CEP112: variants seen among roughly 807,000 people sequenced by gnomAD.
CEP112 encodes centrosomal protein of 112 kDa.
Under a neutral mutation model 153.0 loss-of-function variants are expected in CEP112, and 127 were observed. The ratio of observed to expected loss-of-function variants is 0.83; its 90% CI spans 0.72 to 0.96. The LOEUF (loss-of-function observed/expected upper bound fraction) is 0.96. Among genes scored for constraint, CEP112 ranks in the 40% least tolerant of loss-of-function variants. The probability of loss-of-function intolerance (pLI) is 0.00; values close to 1 mark genes in which losing one functional copy is unlikely to be tolerated. For missense variants in CEP112, 1,089 were observed against 1,101.2 expected (o/e 0.99, Z 0.16); for synonymous variants, 358 against 374.4 (o/e 0.96, Z 0.51).
chr17:65,675,204 T>G (rs2047166089), intron 24 of CEP112, among the ~76,000 whole-genome samples: 1 of 152,138 alleles, frequency 6.6e-6, no homozygotes, highest in Non-Finnish European at 1.5e-5. Context: ...GACAGAGAGA[T>G]AGAGTTAGAC....
At chr17:65,715,146 C>T (rs1567905041) in intron 23 of CEP112, among the ~76,000 whole-genome samples, 1 of 152,122 alleles carries the variant, frequency 6.6e-6, no homozygotes, top group Non-Finnish European at 1.5e-5. Flanking sequence ...AAAAAGTCAG[C>T]TGACACTCTC....
intron 17 of CEP112, among the ~76,000 whole-genome samples, chr17:65,993,734 G>C (rs1317626137): frequency 6.6e-6 from 1 of 152,060 alleles, no homozygotes; most frequent in African/African-American, 2.4e-5. Context: ...AGCAAAAGAG[G>C]CCAGGCACAA....
intron 19 of CEP112, among the ~76,000 whole-genome samples, chr17:65,919,347 G>A (rs932725975): frequency 2.6e-5 from 4 of 152,124 alleles, no homozygotes; most frequent in South Asian, 2.1e-4. Context: ...ACACTCCCCC[G>A]GGGATCACCT....
chr17:66,061,933 A>T (rs2066936314), intron 11 of CEP112, among the ~76,000 whole-genome samples: 1 of 152,170 alleles, frequency 6.6e-6, no homozygotes, highest in Non-Finnish European at 1.5e-5. Context: ...ACCAGGTGGA[A>T]GTAACTGCAT....
chr17:65,859,175 G>A (rs868699214), intron 20 of CEP112, among the ~76,000 whole-genome samples: 2 of 152,096 alleles, frequency 1.3e-5, no homozygotes, highest in African/African-American at 2.4e-5. Flanking sequence ...CAGGTGCGGT[G>A]GCTTATGCCT....
chr17:66,045,104 T>A (rs188510108), intron 12 of CEP112, among the ~76,000 whole-genome samples: 2 of 151,928 alleles, frequency 1.3e-5, no homozygotes, highest in East Asian at 3.9e-4. Flanking sequence ...AGGGTCACAC[T>A]CTGTCACCCA....
chr17:66,139,704 C>T (rs2070602949), intron 4 of CEP112, among the ~76,000 whole-genome samples: 1 of 152,052 alleles, frequency 6.6e-6, no homozygotes, highest in South Asian at 2.1e-4. Flanking sequence ...GACCAAATTA[C>T]TCGAAATGCA....
intron 21 of CEP112, among the ~76,000 whole-genome samples, chr17:65,781,021 T>G (rs964724338): frequency 6.6e-6 from 1 of 152,116 alleles, no homozygotes; most frequent in African/African-American, 2.4e-5. Context: ...TATGTCAGAT[T>G]TGTAGACAGT....
chr17:65,883,444 T>G (rs2059159236), intron 20 of CEP112, among the ~76,000 whole-genome samples: 1 of 152,088 alleles, frequency 6.6e-6, no homozygotes, highest in South Asian at 2.1e-4. Context: ...CACTGTAACC[T>G]CCGCCTCCTG....
intron 24 of CEP112, among the ~76,000 whole-genome samples, chr17:65,687,799 T>C (rs1397962091): frequency 6.6e-6 from 1 of 152,208 alleles, no homozygotes; most frequent in African/African-American, 2.4e-5. Context: ...CCTATCAGCC[T>C]TACTTTTGTG....
intron 21 of CEP112, among the ~76,000 whole-genome samples, chr17:65,827,673 C>G (rs891816871): frequency 3.3e-5 from 5 of 152,188 alleles, no homozygotes; most frequent in Non-Finnish European, 7.3e-5. Flanking sequence ...GGAACAGCCT[C>G]AAAGGCCCTA....
rs73992241 is a variant in CEP112 at position 66,105,028 on chromosome 17, C to T, written c.643-8396G>A. ...CACTGTAATTGTGGTGTATAAACTA[C>T]TCATATCTGAAGTAGAAACACTAAA... is the stretch of plus-strand genomic sequence containing the variant. On this transcript the variant is annotated intron_variant, in intron 6 of 26. Coordinates refer to ENST00000535342, the MANE Select transcript of CEP112 (RefSeq NM_001199165.4). 9.4e-3 allele frequency among the ~76,000 whole-genome samples: 1,429 copies of T among 152,206 alleles called. 20 individuals carry two copies. The highest frequency in any genetic ancestry group is 0.031 in the African/African-American group (1,306 of 41,518).
Position 65,902,149 on chromosome 17 carries a change from T to A in CEP112, c.2163+3A>T, listed in dbSNP as rs1245237962. 1 of 1,605,720 alleles carries A rather than the reference T, an allele frequency of 6.2e-7. No individual in the cohort carries two copies. The highest frequency in any genetic ancestry group is 2.2e-5 in the East Asian group (1 of 44,820). ...CGTTTTATCAAATATTATTGATAAT[T>A]ACCTGTGCATCTCGTTTCTTGAACT... On this transcript the variant is annotated splice_donor_region_variant and intron_variant, in intron 20 of 26. Coordinates refer to ENST00000535342, the MANE Select transcript of CEP112 (RefSeq NM_001199165.4).
At chr17:65,875,985 C>T (rs2058813005) in intron 20 of CEP112, among the ~76,000 whole-genome samples, 1 of 152,182 alleles carries the variant, frequency 6.6e-6, no homozygotes, top group African/African-American at 2.4e-5. Context: ...CCTGAGGCTT[C>T]TAATTTTCTT....
chr17:66,003,283 T>C (rs1188922523), intron 17 of CEP112, among the ~76,000 whole-genome samples: 1 of 152,222 alleles, frequency 6.6e-6, no homozygotes, highest in Admixed American at 6.5e-5. Context: ...ACTTTTGAAG[T>C]ACCTAAAGAG....
intron 4 of CEP112, among the ~76,000 whole-genome samples, chr17:66,168,443 G>GTGTGTGTATATATGTATA (rs879840711): frequency 0.034 from 5,033 of 146,066 alleles, 123 homozygotes; most frequent in Middle Eastern, 0.066. Context: ...GTATATATAT[G>GTGTGTGTATATATGTATA]TGTGTGTATA....
chr17:66,075,601 C>T (rs781260076), intron 8 of CEP112, among the ~76,000 whole-genome samples: 4 of 152,124 alleles, frequency 2.6e-5, no homozygotes, highest in Non-Finnish European at 4.4e-5. Flanking sequence ...CGATCAGTAA[C>T]TATATTAAAT....
chr17:65,895,505 G>A (rs2059628235), intron 20 of CEP112, among the ~76,000 whole-genome samples: 1 of 152,096 alleles, frequency 6.6e-6, no homozygotes, highest in Middle Eastern at 3.2e-3. Context: ...ATCGCTGAAA[G>A]AAATGCAAAC....
chr17:66,096,332 C>T lies in CEP112; in HGVS notation c.691-4G>A. 6.2e-7 allele frequency: 1 copy of T among 1,610,862 alleles called. No individual in the cohort carries two copies. Among genetic ancestry groups the T allele is most frequent in the Non-Finnish European group, 8.5e-7 (1 of 1,177,758 alleles). On this transcript the variant is annotated splice_polypyrimidine_tract_variant and splice_region_variant and intron_variant, in intron 7 of 26. Coordinates refer to ENST00000535342, the MANE Select transcript of CEP112 (RefSeq NM_001199165.4). ...TCAGGCTGAATTTCGGTGTCATCTG[C>T]TAAATGAACAGGAGTTATTTAACAT...
Sources: allele counts gnomAD v4.1 joint callset (sites outside exome capture counted in the v4.1 genomes callset), GRCh38; gene constraint gnomAD v4.1.1; transcripts MANE v1.5; gene names NCBI Gene and HGNC (gene_info 2026-07-23, HGNC 2026-07-21).